The following PPP2R2D variants were observed in gnomAD, a reference collection of about 807,000 sequenced individuals.
The protein encoded by PPP2R2D is protein phosphatase 2 regulatory subunit Bdelta.
PPP2R2D carries 9 observed loss-of-function variants against 31.1 expected under a neutral mutation model. That is an observed-to-expected ratio of 0.29 (90% CI 0.17 to 0.51). The LOEUF (loss-of-function observed/expected upper bound fraction) is 0.51, where lower values mean the gene tolerates loss of function less well. PPP2R2D is among the 20% of genes least tolerant of loss of function. The pLI is 0.98. For missense variants in PPP2R2D, 391 were observed against 465.6 expected (o/e 0.84, Z 1.48); for synonymous variants, 179 against 172.6 (o/e 1.04, Z -0.29).
chr10:131,944,696 G>T (rs2036503615), intron 6 of PPP2R2D, among the ~76,000 whole-genome samples: 1 of 152,172 alleles, frequency 6.6e-6, no homozygotes, highest in African/African-American at 2.4e-5. Context: ...AGTGGCTTGA[G>T]CTGGGGTTCC....
Position 131,947,849 on chromosome 10 carries a change from A to G in PPP2R2D, c.1082+58A>G, listed in dbSNP as rs1564824124. 2 of 1,585,954 alleles carry G rather than the reference A, an allele frequency of 1.3e-6. No homozygotes were observed. The highest frequency in any genetic ancestry group is 2.2e-5 in the East Asian group (1 of 44,450). Reference sequence around the variant, plus strand: ...AAGCTTGCTGGTTTCCGAGAGTGCAAGGTCAGTGAGGGAGGCGAGCTGTCC... The same window carrying G: ...AAGCTTGCTGGTTTCCGAGAGTGCAGGGTCAGTGAGGGAGGCGAGCTGTCC... On this transcript the variant is annotated intron_variant, in intron 8 of 8. Transcript: ENST00000455566. This position sits in a 1 kb window ranked among gnomAD's most constrained non-coding sequence, Gnocchi z 4.3.
At chr10:131,911,656 C>T (rs2119742893) in intron 2 of PPP2R2D, 1 of 152,366 alleles carries the variant, frequency 6.6e-6, no homozygotes, top group South Asian at 2.1e-4. Flanking sequence ...GTGGAAATGA[C>T]AACAGCGTGA....
chr10:131,912,894 G>C, intron 2 of PPP2R2D, among the ~76,000 whole-genome samples: 1 of 152,338 alleles, frequency 6.6e-6, no homozygotes, highest in South Asian at 2.1e-4. Context: ...AGACATCCAG[G>C]AGTGGGTACA....
Position 131,956,685 on chromosome 10 carries a change from C to A in PPP2R2D, c.*722C>A. 2 of 494,556 alleles carry A rather than the reference C, an allele frequency of 4.0e-6. No individual in the cohort carries two copies. The highest frequency in any genetic ancestry group is 5.2e-6 in the Non-Finnish European group (2 of 381,198). The allele number at this position is 494,556 out of a possible 1,614,324, so 30.6% of individuals were successfully genotyped here. ...GGTATGTGTGCAGCATTTCTGTCCCCAAGCTGCTGCCCGCTGTGTTTCTGT... is the reference window on the plus strand; with the variant it reads ...GGTATGTGTGCAGCATTTCTGTCCCAAAGCTGCTGCCCGCTGTGTTTCTGT... On this transcript the variant is annotated 3_prime_UTR_variant, in exon 9 of 9. Transcript: ENST00000455566.
the PPP2R2D span, among the ~76,000 whole-genome samples, chr10:131,965,316 C>T: frequency 1.3e-5 from 2 of 152,148 alleles, no homozygotes; most frequent in Non-Finnish European, 2.9e-5. Flanking sequence ...TGGCGGCTGC[C>T]GGTTTCTTAA....
chr10:131,934,393 T>A, intron 2 of PPP2R2D, 65 bp from the exon 3 acceptor site: 1 of 717,194 alleles, frequency 1.4e-6, no homozygotes. Flanking sequence ...TTTTATTAAT[T>A]TTTTGGTATT....
At chr10:131,960,589 C>T (rs1195351908), downstream of PPP2R2D, among the ~76,000 whole-genome samples, 1 of 152,174 alleles carries the variant, frequency 6.6e-6, no homozygotes, top group Non-Finnish European at 1.5e-5. Flanking sequence ...TGCCAGAAGC[C>T]TCCCAAAGCC....
intron 2 of PPP2R2D, among the ~76,000 whole-genome samples, chr10:131,929,613 G>A (rs1440988669): frequency 1.3e-5 from 2 of 151,968 alleles, no homozygotes; most frequent in Non-Finnish European, 1.5e-5. Flanking sequence ...CTCATGCCTC[G>A]TGGAAACAGT....
the PPP2R2D span, chr10:131,968,661 C>G: frequency 4.4e-6 from 5 of 1,145,152 alleles, no homozygotes; most frequent in Non-Finnish European, 6.5e-6. Context: ...GTGGTTAGAG[C>G]TTATGCAAGG....
chr10:131,913,401 A>G (rs2035716100), intron 2 of PPP2R2D, among the ~76,000 whole-genome samples: 1 of 151,960 alleles, frequency 6.6e-6, no homozygotes, highest in African/African-American at 2.4e-5. Context: ...TTGAGTTTTA[A>G]TTCCTCTGCC....
chr10:131,965,587 C>T, the PPP2R2D span, among the ~76,000 whole-genome samples: 3 of 152,272 alleles, frequency 2.0e-5, no homozygotes, highest in Middle Eastern at 3.4e-3. Flanking sequence ...GCTGGGACTA[C>T]AGGTACGCCA....
Position 131,943,300 on chromosome 10 carries a change from C to T in PPP2R2D, c.478-668C>T, listed in dbSNP as rs572520280. ...ACAGCACTCAACACAGAGATGGGGG[C>T]GGGAGGTACCTTCTACTTTTTGTTT... On this transcript the variant is annotated intron_variant, in intron 5 of 8. Transcript: ENST00000455566. Among the ~76,000 whole-genome samples the T allele has an allele frequency of 3.0e-4, 45 of 152,240 alleles. 1 individual carries two copies. The highest frequency in any genetic ancestry group is 6.8e-3 in the Middle Eastern group (2 of 294).
chr10:131,927,242 C>G (rs550515606), intron 2 of PPP2R2D, among the ~76,000 whole-genome samples: 2 of 151,874 alleles, frequency 1.3e-5, no homozygotes, highest in African/African-American at 2.4e-5. Flanking sequence ...AGGGAGGAGC[C>G]GTGGTCTGGG....
intron 2 of PPP2R2D, among the ~76,000 whole-genome samples, chr10:131,925,206 T>C (rs572007596): frequency 2.6e-5 from 4 of 152,352 alleles, no homozygotes; most frequent in African/African-American, 7.2e-5. Flanking sequence ...AGTTAGCAAA[T>C]CAAACATCCT....
downstream of PPP2R2D, among the ~76,000 whole-genome samples, chr10:131,960,192 A>T (rs1004233181): frequency 1.3e-5 from 2 of 152,232 alleles, no homozygotes; most frequent in Admixed American, 1.3e-4. Flanking sequence ...ACTTTAGAGA[A>T]GTGCCCTCAA....
rs1554893770 is a variant in PPP2R2D, at chr10:131,919,013, A to C, written c.101-15445A>C. ...AGGGACCTCAGGCGGGTGGAATGAC[A>C]CAGTGTTTGTAGGGACCTCAGGCGA... On this transcript the variant is annotated intron_variant, in intron 2 of 8. Transcript: ENST00000455566. 3.7e-5 allele frequency among the ~76,000 whole-genome samples: 5 copies of C among 134,118 alleles called. No homozygotes were observed. The South Asian group carries it at 1.3e-3, about 34-fold the overall frequency. The allele number at this position is 134,118 out of a possible 152,430, so 88.0% of individuals were successfully genotyped here. A position where few individuals can be genotyped will look rare whatever the true frequency, so the allele number is the denominator to read the frequency against.
chr10:131,970,619 A>T, the PPP2R2D span: 1 of 1,612,602 alleles, frequency 6.2e-7, no homozygotes, highest in South Asian at 1.1e-5. This position sits in a 1 kb window ranked among gnomAD's most constrained non-coding sequence, Gnocchi z 4.1. Flanking sequence ...GACAGGAGTC[A>T]CACAGTCACA....
chr10:131,951,285 C>T (rs376355273), intron 8 of PPP2R2D, among the ~76,000 whole-genome samples: 3 of 152,190 alleles, frequency 2.0e-5, no homozygotes, highest in Admixed American at 6.5e-5. Flanking sequence ...AGAAAACGTG[C>T]TCAGATACCT....
At chr10:131,938,593 T>C (rs2036385826) in intron 3 of PPP2R2D, among the ~76,000 whole-genome samples, 1 of 152,222 alleles carries the variant, frequency 6.6e-6, no homozygotes, top group Non-Finnish European at 1.5e-5. Context: ...TGCTCATGAT[T>C]TTGAAGATGG....
Sources: allele counts gnomAD v4.1 joint callset (sites outside exome capture counted in the v4.1 genomes callset), GRCh38; gene constraint gnomAD v4.1.1; non-coding constraint Gnocchi (gnomAD v3.1); transcripts MANE v1.5; gene names NCBI Gene and HGNC (gene_info 2026-07-23, HGNC 2026-07-21).